Variants in RBMS3 observed in about 807,000 individuals in gnomAD.
The protein encoded by RBMS3 is RNA binding motif single stranded interacting protein 3, also known as RNA-binding motif, single-stranded-interacting protein 3.
RBMS3 carries 27 observed loss-of-function variants against 66.8 expected under a neutral mutation model. That is an observed-to-expected ratio of 0.40 (90% CI 0.30 to 0.56). RBMS3 has a LOEUF of 0.56. RBMS3 is among the 20% of genes least tolerant of loss of function. The probability of loss-of-function intolerance (pLI) is 0.40; values close to 1 mark genes in which losing one functional copy is unlikely to be tolerated. For synonymous variants in RBMS3, 188 were observed against 183.0 expected (o/e 1.03, Z -0.22); for missense variants, 513 against 549.5 (o/e 0.93, Z 0.66).
At chr3:29,960,055 G>A (rs116049231) in intron 12 of RBMS3, among the ~76,000 whole-genome samples, 1,591 of 152,098 alleles carry the variant, frequency 0.01, 37 homozygotes, top group African/African-American at 0.036. Context: ...TCATTCCAGC[G>A]TTAACCCAAA....
intron 4 of RBMS3, among the ~76,000 whole-genome samples, chr3:29,720,508 G>T (rs1192594883): frequency 6.6e-6 from 1 of 152,072 alleles, no homozygotes; most frequent in Non-Finnish European, 1.5e-5. Context: ...TGGAATGATA[G>T]GGTCTACCTA....
chr3:29,832,291 A>G (rs533842291), intron 6 of RBMS3, among the ~76,000 whole-genome samples: 1 of 152,260 alleles, frequency 6.6e-6, no homozygotes, highest in East Asian at 1.9e-4. Flanking sequence ...CTTATACCAA[A>G]CTGATGTCTA....
At chr3:29,298,621 G>T (rs544877803) in intron 1 of RBMS3, among the ~76,000 whole-genome samples, 1 of 150,812 alleles carries the variant, frequency 6.6e-6, no homozygotes, top group Admixed American at 6.6e-5. Flanking sequence ...GGAAATATTT[G>T]GTTTCTTTTT....
At chr3:29,736,793 T>A (rs2054398289) in intron 4 of RBMS3, among the ~76,000 whole-genome samples, 1 of 152,218 alleles carries the variant, frequency 6.6e-6, no homozygotes, top group African/African-American at 2.4e-5. Context: ...CTCAGTCTGG[T>A]GCTAGTGTGC....
intron 6 of RBMS3, among the ~76,000 whole-genome samples, chr3:29,772,953 C>T (rs2581890): frequency 0.34 from 52,059 of 151,768 alleles, 9,168 homozygotes; most frequent in Middle Eastern, 0.43. Context: ...GTTTTTTATT[C>T]AAAGAAATAA....
intron 1 of RBMS3, among the ~76,000 whole-genome samples, chr3:29,295,507 C>G (rs1208111705): frequency 6.6e-6 from 1 of 151,060 alleles, no homozygotes; most frequent in Non-Finnish European, 1.5e-5. Context: ...ATACACTACA[C>G]AGGTCTTCAA....
At chr3:29,531,484 A>T (rs1157579573) in intron 3 of RBMS3, among the ~76,000 whole-genome samples, 1 of 152,242 alleles carries the variant, frequency 6.6e-6, no homozygotes, top group Middle Eastern at 3.4e-3. Flanking sequence ...CATTTGCTCA[A>T]TTTTTTCACT....
chr3:29,421,155 T>C (rs1257745599), intron 1 of RBMS3, among the ~76,000 whole-genome samples: 1 of 151,784 alleles, frequency 6.6e-6, no homozygotes, highest in East Asian at 1.9e-4. Context: ...GTTATCACTA[T>C]TTGCCAAGTT....
At chr3:29,366,184 T>A (rs2125591649) in intron 1 of RBMS3, among the ~76,000 whole-genome samples, 1 of 152,282 alleles carries the variant, frequency 6.6e-6, no homozygotes, top group Non-Finnish European at 1.5e-5. Flanking sequence ...ATAAAGTGCC[T>A]AAAATAATTT....
intron 4 of RBMS3, among the ~76,000 whole-genome samples, chr3:29,709,988 T>TGAGGAGAAAAAA (rs1193991851): frequency 6.6e-6 from 1 of 152,206 alleles, no homozygotes; most frequent in Non-Finnish European, 1.5e-5. Flanking sequence ...AAAAACACGT[T>TGAGGAGAAAAAA]ACCATTTTTC....
At chr3:29,958,821 T>G (rs1474142964) in intron 12 of RBMS3, among the ~76,000 whole-genome samples, 3 of 152,212 alleles carry the variant, frequency 2.0e-5, no homozygotes, top group Non-Finnish European at 4.4e-5. Flanking sequence ...GTATATCAAC[T>G]TCACAGGCCT....
chr3:29,681,405 T>C (rs1351144589), intron 4 of RBMS3, among the ~76,000 whole-genome samples: 1 of 152,162 alleles, frequency 6.6e-6, no homozygotes, highest in Non-Finnish European at 1.5e-5. Context: ...GTTACGTAGG[T>C]AAATGTGTGC....
At position 30,009,893 on chromosome 3, in the gene RBMS3, AAAAT is replaced by A. The variant is rs1376633974; in HGVS notation, c.*6034_*6037del. On this transcript the variant is annotated 3_prime_UTR_variant, in exon 15 of 15. Coordinates refer to ENST00000383767, the MANE Select transcript of RBMS3 (RefSeq NM_001003793.3). ...AATATGTTATCTCTTCATATATAAA[AAAAT>A]AAGTTATTCCATGCTTTTCAGGAAC... 2 of 152,192 alleles carry A rather than the reference AAAAT, an allele frequency of 1.3e-5. No individual in the cohort carries two copies. Among genetic ancestry groups the A allele is most frequent in the African/African-American group, 4.8e-5 (2 of 41,450 alleles). The allele number at this position is 152,192 out of a possible 1,614,324, so 9.4% of individuals were successfully genotyped here. A position where few individuals can be genotyped will look rare whatever the true frequency, so the allele number is the denominator to read the frequency against.
At chr3:29,589,181 C>T (rs1204177962) in intron 4 of RBMS3, among the ~76,000 whole-genome samples, 1 of 152,052 alleles carries the variant, frequency 6.6e-6, no homozygotes, top group Non-Finnish European at 1.5e-5. Flanking sequence ...CTCAGTTTCC[C>T]AGCATTCTGC....
chr3:29,687,692 A>G (rs2051794245), intron 4 of RBMS3, among the ~76,000 whole-genome samples: 1 of 152,166 alleles, frequency 6.6e-6, no homozygotes, highest in African/African-American at 2.4e-5. Context: ...AACAGCAAAA[A>G]CATTAATTTG....
intron 1 of RBMS3, among the ~76,000 whole-genome samples, chr3:29,364,181 A>G (rs1420533279): frequency 3.3e-5 from 5 of 152,322 alleles, no homozygotes; most frequent in African/African-American, 1.2e-4. Flanking sequence ...ATTCTCAAAT[A>G]TATCATTAAT....
intron 1 of RBMS3, among the ~76,000 whole-genome samples, chr3:29,341,432 C>A (rs1466615667): frequency 1.3e-5 from 2 of 152,064 alleles, no homozygotes; most frequent in Non-Finnish European, 1.5e-5. Context: ...GTGGTCTTTC[C>A]ATACCACTCT....
intron 4 of RBMS3, among the ~76,000 whole-genome samples, chr3:29,710,864 T>C (rs549155484): frequency 2.0e-5 from 3 of 152,360 alleles, no homozygotes; most frequent in East Asian, 3.9e-4. Context: ...TGCTTTAATT[T>C]CTGAAATTTT....
chr3:29,576,862 C>T (rs976031951), intron 3 of RBMS3, among the ~76,000 whole-genome samples: 1 of 152,166 alleles, frequency 6.6e-6, no homozygotes, highest in Admixed American at 6.5e-5. Context: ...AAGCCTGAGA[C>T]TCACCCTTCT....
Sources: gnomAD v4.1 joint callset for allele counts (sites outside exome capture counted in the v4.1 genomes callset) on GRCh38, gnomAD v4.1.1 for gene constraint, MANE v1.5 for transcripts, NCBI Gene and HGNC (gene_info 2026-07-23, HGNC 2026-07-21) for gene names.